ZNF516: variants seen among roughly 807,000 people sequenced by gnomAD.
ZNF516 encodes the protein zinc finger protein 516.
A neutral mutation model predicts 79.7 loss-of-function variants in ZNF516; 19 were observed. The observed-to-expected ratio is 0.24, with a 90% CI of 0.17 to 0.35. ZNF516 has a LOEUF of 0.35. Among genes scored for constraint, ZNF516 ranks in the 10% least tolerant of loss-of-function variants. The pLI is 1.00. For synonymous variants in ZNF516, 877 were observed against 739.5 expected (o/e 1.19, Z -3.02); for missense variants, 1,678 against 1,679.5 (o/e 1.00, Z 0.02).
At chr18:76,448,336 T>C (rs1198943727) in intron 2 of ZNF516, among the ~76,000 whole-genome samples, 2 of 152,232 alleles carry the variant, frequency 1.3e-5, no homozygotes, top group African/African-American at 4.8e-5. Context: ...ATACATTTAC[T>C]CTGTAGGCCA....
intron 1 of ZNF516, among the ~76,000 whole-genome samples, chr18:76,463,629 C>T (rs947213314): frequency 2.0e-5 from 3 of 152,212 alleles, no homozygotes; most frequent in Non-Finnish European, 2.9e-5. Context: ...CACCTACTCA[C>T]CTCCTCCGCA....
At position 76,470,301 on chromosome 18, in the gene ZNF516, G is replaced by A. The variant is rs990643573; in HGVS notation, c.-271-7160C>T. Among the ~76,000 whole-genome samples the A allele has an allele frequency of 1.3e-4, 20 of 152,190 alleles. No individual in the cohort carries two copies. The East Asian group carries it at 1.7e-3, about 13-fold the overall frequency. ...CTTAGATCTGGAACAAATCACAAGT[G>A]GTCAGGATACAATTCTAATTCATAT... On this transcript the variant is annotated intron_variant, in intron 1 of 6. Coordinates refer to ENST00000443185, the MANE Select transcript of ZNF516 (RefSeq NM_014643.4).
chr18:76,436,590 G>A (rs1023456661), intron 3 of ZNF516, among the ~76,000 whole-genome samples: 11 of 152,268 alleles, frequency 7.2e-5, no homozygotes, highest in Middle Eastern at 3.4e-3. Context: ...AGGTCAGTGC[G>A]CGAAGGTATT....
intron 2 of ZNF516, among the ~76,000 whole-genome samples, chr18:76,458,642 T>A (rs1352569650): frequency 6.6e-6 from 1 of 151,336 alleles, no homozygotes; most frequent in Admixed American, 6.6e-5. Context: ...TGTGCATGCC[T>A]CACCGTCGTG....
intron 1 of ZNF516, among the ~76,000 whole-genome samples, chr18:76,472,355 C>T (rs905639390): frequency 8.6e-5 from 13 of 150,902 alleles, no homozygotes; most frequent in African/African-American, 3.0e-4. Flanking sequence ...TGCACAGACA[C>T]TTGCACATGT....
chr18:76,490,651 T>A, intron 1 of ZNF516: 2 of 489,734 alleles, frequency 4.1e-6, no homozygotes, highest in Non-Finnish European at 5.3e-6. Context: ...AGCCCCATGG[T>A]GAACGTACAT....
At chr18:76,429,544 C>T (rs1285110464) in intron 3 of ZNF516, among the ~76,000 whole-genome samples, 1 of 152,072 alleles carries the variant, frequency 6.6e-6, no homozygotes, top group Non-Finnish European at 1.5e-5. Flanking sequence ...ATGACCAAGG[C>T]CAGCAGTGCA....
rs1599123206 is a variant in ZNF516, at chr18:76,362,872, T to C, written c.3433-315A>G. On this transcript the variant is annotated intron_variant, in intron 6 of 6. Coordinates refer to ENST00000443185, the MANE Select transcript of ZNF516 (RefSeq NM_014643.4). The stretch of plus-strand genomic sequence containing the variant: ...CATGTAAGAATGGCAGATGATAGTG[T>C]CTGAACCAGCTCTGGAGAGAAGGTT... 1.3e-5 allele frequency among the ~76,000 whole-genome samples: 2 copies of C among 152,296 alleles called. 1 individual carries two copies. Among genetic ancestry groups the C allele is most frequent in the Non-Finnish European group, 2.9e-5 (2 of 68,034 alleles).
chr18:76,385,014 A>C (rs1568246992), intron 3 of ZNF516, among the ~76,000 whole-genome samples: 1 of 152,210 alleles, frequency 6.6e-6, no homozygotes, highest in African/African-American at 2.4e-5. Flanking sequence ...AGGATCTCCA[A>C]CACTCACCCC....
chr18:76,424,701 C>T (rs1466352999), intron 3 of ZNF516, among the ~76,000 whole-genome samples: 1 of 139,684 alleles, frequency 7.2e-6, no homozygotes, highest in Non-Finnish European at 1.5e-5. Context: ...CCCCGAAACA[C>T]ACGCAGGTGA....
intron 3 of ZNF516, among the ~76,000 whole-genome samples, chr18:76,407,283 G>T (rs1312105284): frequency 6.6e-6 from 1 of 152,128 alleles, no homozygotes; most frequent in Non-Finnish European, 1.5e-5. Flanking sequence ...TAATTAGCCA[G>T]GCATGGTGGT....
intron 1 of ZNF516, among the ~76,000 whole-genome samples, chr18:76,482,774 C>T (rs758181048): frequency 1.9e-4 from 29 of 152,170 alleles, no homozygotes; most frequent in Admixed American, 6.5e-5. Context: ...ACTATTATTA[C>T]CAACATACAA....
chr18:76,379,242 C>G lies in ZNF516; in HGVS notation c.2872G>C (p.Ala958Pro). ...KPVEKFGVPP[A>P]GAGFAPTNKH... The stretch of plus-strand genomic sequence containing the variant: ...TTTGTGGGGGCAAAGCCAGCCCCCG[C>G]TGGGGGGACCCCAAACTTCTCCACA... The change falls in exon 4 of 7, where the codon GCG becomes CCG. Residue 958 changes from alanine (A) to proline (P), a missense_variant. By Grantham distance (27) the Ala-to-Pro change is conservative. Transcript: ENST00000443185. 1 of 1,612,606 alleles carries G rather than the reference C, an allele frequency of 6.2e-7. No individual in the cohort carries two copies. Among genetic ancestry groups the G allele is most frequent in the Non-Finnish European group, 8.5e-7 (1 of 1,179,616 alleles).
intron 3 of ZNF516, among the ~76,000 whole-genome samples, chr18:76,423,500 A>AGTGAAAAGGTTCCCCCGAAACACACGCAG: frequency 1.3e-5 from 2 of 151,728 alleles, no homozygotes; most frequent in African/African-American, 4.8e-5. Context: ...CACACATGCC[A>AGTGAAAAGGTTCCCCCGAAACACACGCAG]GTGAAAAGGT....
chr18:76,410,143 T>C (rs1392704129), intron 3 of ZNF516, among the ~76,000 whole-genome samples: 1 of 152,208 alleles, frequency 6.6e-6, no homozygotes, highest in African/African-American at 2.4e-5. Flanking sequence ...GTCTTGGGTA[T>C]GTCTTTGTTA....
intron 3 of ZNF516, chr18:76,388,898 C>G (rs959685733): frequency 6.6e-6 from 1 of 152,222 alleles, no homozygotes; most frequent in Non-Finnish European, 1.5e-5. Context: ...TCACACTGGG[C>G]GGCAGGAGCC....
At chr18:76,367,587 C>G (rs2074635061) in intron 6 of ZNF516, among the ~76,000 whole-genome samples, 1 of 152,192 alleles carries the variant, frequency 6.6e-6, no homozygotes, top group Non-Finnish European at 1.5e-5. Flanking sequence ...CCGGGCCTTC[C>G]ACGTGCTGAG....
At chr18:76,419,442 C>T (rs957148652) in intron 3 of ZNF516, among the ~76,000 whole-genome samples, 6 of 152,182 alleles carry the variant, frequency 3.9e-5, no homozygotes, top group African/African-American at 1.4e-4. Flanking sequence ...TTTTCTACAA[C>T]GATTAAATTG....
intron 3 of ZNF516, among the ~76,000 whole-genome samples, chr18:76,420,163 G>A (rs2075487972): frequency 6.6e-6 from 1 of 152,248 alleles, no homozygotes. Context: ...TACATCTGCA[G>A]TAAGCTTAAG....
Sources: gnomAD v4.1 joint callset for allele counts (sites outside exome capture counted in the v4.1 genomes callset) on GRCh38, gnomAD v4.1.1 for gene constraint, MANE v1.5 for transcripts, NCBI Gene and HGNC (gene_info 2026-07-23, HGNC 2026-07-21) for gene names.